The following MARCHF1 variants were observed in gnomAD, a reference collection of about 807,000 sequenced individuals.
MARCHF1 encodes E3 ubiquitin-protein ligase MARCHF1.
A neutral mutation model predicts 54.2 loss-of-function variants in MARCHF1; 40 were observed. The ratio of observed to expected loss-of-function variants is 0.74; its 90% CI spans 0.57 to 0.96. MARCHF1 has a LOEUF of 0.96. MARCHF1 is among the 40% of genes least tolerant of loss of function. The pLI, the probability that MARCHF1 is intolerant of heterozygous loss-of-function variation, is 0.00. For missense variants in MARCHF1, 586 were observed against 656.5 expected (o/e 0.89, Z 1.17); for synonymous variants, 236 against 236.3 (o/e 1.00, Z 0.01).
intron 4 of MARCHF1, among the ~76,000 whole-genome samples, chr4:163,752,276 G>A (rs1430787940): frequency 6.0e-5 from 9 of 150,810 alleles, no homozygotes; most frequent in Middle Eastern, 3.4e-3. Flanking sequence ...TTCTAAATGG[G>A]AAAGGTTTTT....
chr4:164,352,349 G>A (rs1413593450), intron 1 of MARCHF1, among the ~76,000 whole-genome samples: 3 of 119,410 alleles, frequency 2.5e-5, no homozygotes, highest in South Asian at 3.2e-4. Flanking sequence ...AAATGTTAAG[G>A]GCAGCCAGAG....
At chr4:164,062,520 GTTAT>G (rs1206468792) in intron 2 of MARCHF1, among the ~76,000 whole-genome samples, 3 of 151,886 alleles carry the variant, frequency 2.0e-5, no homozygotes, top group East Asian at 1.9e-4. Flanking sequence ...TCTTTTAGTT[GTTAT>G]TTATTTATTT....
chr4:163,680,772 A>C (rs1744075936), intron 5 of MARCHF1, among the ~76,000 whole-genome samples: 1 of 152,194 alleles, frequency 6.6e-6, no homozygotes, highest in East Asian at 1.9e-4. Flanking sequence ...TTTTTAATCC[A>C]GACTTGTGTT....
chr4:163,855,911 A>G (rs1271611666), intron 3 of MARCHF1, among the ~76,000 whole-genome samples: 1 of 152,214 alleles, frequency 6.6e-6, no homozygotes, highest in Non-Finnish European at 1.5e-5. Context: ...GTACTGAAGC[A>G]GGAATAGTAG....
intron 4 of MARCHF1, among the ~76,000 whole-genome samples, chr4:163,756,631 CAAAAAAAAAAAAAAAA>C (rs67382228): frequency 1.5e-5 from 1 of 67,582 alleles, no homozygotes; most frequent in Non-Finnish European, 2.4e-5. Context: ...GACTCTGTCT[CAAAAAAAAAAAAAAAA>C]AAAAAAAAAA....
At chr4:163,999,275 C>G (rs890586313) in intron 2 of MARCHF1, among the ~76,000 whole-genome samples, 1 of 151,374 alleles carries the variant, frequency 6.6e-6, no homozygotes, top group African/African-American at 2.4e-5. Context: ...CATGTAAACT[C>G]CTTGGTACAT....
chr4:164,315,507 G>C (rs1734973452), intron 1 of MARCHF1, among the ~76,000 whole-genome samples: 2 of 152,144 alleles, frequency 1.3e-5, no homozygotes, highest in Non-Finnish European at 2.9e-5. Flanking sequence ...CATAGGAAAG[G>C]GAGGTAGATG....
chr4:163,722,519 G>A (rs550686990), intron 4 of MARCHF1, among the ~76,000 whole-genome samples: 1 of 152,158 alleles, frequency 6.6e-6, no homozygotes, highest in Non-Finnish European at 1.5e-5. Context: ...GATTTGGGGT[G>A]GAGAGTTCTA....
intron 4 of MARCHF1, among the ~76,000 whole-genome samples, chr4:163,767,232 ACTT>A (rs1488683915): frequency 4.3e-4 from 66 of 151,948 alleles, no homozygotes; most frequent in African/African-American, 1.4e-3. Flanking sequence ...AGACAGAAAA[ACTT>A]CTTTTCTTTT....
chr4:163,973,268 A>G (rs7696806), intron 3 of MARCHF1, among the ~76,000 whole-genome samples: 97,342 of 152,016 alleles, frequency 0.64, 31,348 homozygotes, highest in East Asian at 0.89. Flanking sequence ...CTTTTGGGTT[A>G]TTTACATCAG....
At chr4:164,301,695 C>T (rs2111396934) in intron 1 of MARCHF1, among the ~76,000 whole-genome samples, 1 of 151,868 alleles carries the variant, frequency 6.6e-6, no homozygotes, top group East Asian at 1.9e-4. Context: ...GATAAAGTGT[C>T]AAAAAATAAA....
At chr4:163,570,799 G>T (rs1189878558) in intron 8 of MARCHF1, among the ~76,000 whole-genome samples, 1 of 152,086 alleles carries the variant, frequency 6.6e-6, no homozygotes, top group Non-Finnish European at 1.5e-5. Flanking sequence ...CTAGAACTTA[G>T]TAGGGACATC....
intron 9 of MARCHF1, among the ~76,000 whole-genome samples, chr4:163,543,769 T>C (rs1286202904): frequency 6.6e-6 from 1 of 152,200 alleles, no homozygotes; most frequent in Admixed American, 6.5e-5. Flanking sequence ...GGTTTTCTTA[T>C]GGGTGTCTAT....
intron 9 of MARCHF1, among the ~76,000 whole-genome samples, 180 bp from the exon 10 acceptor site, chr4:163,529,226 A>G (rs990013343): frequency 6.6e-6 from 1 of 152,008 alleles, no homozygotes; most frequent in African/African-American, 2.4e-5. Flanking sequence ...ATTCCTTTTG[A>G]GTATCCTACA....
In MARCHF1 at chr4:163,533,309, G is replaced by A. The variant is rs567301083; in HGVS notation, c.1340-4263C>T. ...TGACATTCTAGAAAAGGCAAAACTG[G>A]AGATAGTAGGATCAGTGTTTGCCAA... On this transcript the variant is annotated intron_variant, in intron 9 of 9. Transcript: ENST00000514618. 1.4e-4 allele frequency among the ~76,000 whole-genome samples: 22 copies of A among 152,064 alleles called. No homozygotes were observed. The East Asian group carries it at 3.7e-3, about 25-fold the overall frequency.
At chr4:164,004,092 A>C in intron 2 of MARCHF1, among the ~76,000 whole-genome samples, 1 of 152,190 alleles carries the variant, frequency 6.6e-6, no homozygotes, top group Middle Eastern at 3.4e-3. Flanking sequence ...CAATGAGAAA[A>C]CATGGACACA....
At chr4:163,880,445 T>C (rs1750390528) in intron 3 of MARCHF1, among the ~76,000 whole-genome samples, 1 of 151,040 alleles carries the variant, frequency 6.6e-6, no homozygotes, top group Non-Finnish European at 1.5e-5. Context: ...TTTATTATTT[T>C]ATGTTTACTT....
At chr4:163,595,441 C>T (rs974923306) in intron 7 of MARCHF1, among the ~76,000 whole-genome samples, 2 of 136,966 alleles carry the variant, frequency 1.5e-5, no homozygotes, top group Non-Finnish European at 3.4e-5. Flanking sequence ...TGCCTAAGCC[C>T]GAGAGATTGC....
intron 1 of MARCHF1, among the ~76,000 whole-genome samples, chr4:164,343,597 T>G (rs1729988860): frequency 6.6e-6 from 1 of 152,120 alleles, no homozygotes; most frequent in African/African-American, 2.4e-5. Flanking sequence ...AAAGGAAACA[T>G]ACAAGCAGCT....
Sources: allele counts gnomAD v4.1 joint callset (sites outside exome capture counted in the v4.1 genomes callset), GRCh38; gene constraint gnomAD v4.1.1; transcripts MANE v1.5; gene names NCBI Gene and HGNC (gene_info 2026-07-23, HGNC 2026-07-21).